The following CNTN5 variants were observed in gnomAD, a reference collection of about 807,000 sequenced individuals.
The protein encoded by CNTN5 is contactin 5.
In CNTN5, 77 loss-of-function variants were observed where a neutral mutation model predicts 129.1. The observed-to-expected ratio is 0.60, with a 90% CI of 0.50 to 0.72. The LOEUF is 0.72. CNTN5 is among the 30% of genes least tolerant of loss of function. The pLI is 0.00. For missense variants in CNTN5, 1,478 were observed against 1,328.8 expected (o/e 1.11, Z -1.75); for synonymous variants, 509 against 465.6 (o/e 1.09, Z -1.20).
chr11:99,993,136 G>C (rs1565765363), intron 8 of CNTN5, among the ~76,000 whole-genome samples: 1 of 152,108 alleles, frequency 6.6e-6, no homozygotes, highest in African/African-American at 2.4e-5. Flanking sequence ...CAAGATTTGA[G>C]ATACTAAAAC....
chr11:99,811,223 T>C (rs935855287), intron 3 of CNTN5, among the ~76,000 whole-genome samples: 1 of 151,986 alleles, frequency 6.6e-6, no homozygotes, highest in Admixed American at 6.6e-5. Context: ...TCAATCAATA[T>C]TTTAGGAGCG....
At chr11:99,103,497 C>T (rs1406710828) in intron 1 of CNTN5, among the ~76,000 whole-genome samples, 1 of 151,926 alleles carries the variant, frequency 6.6e-6, no homozygotes, top group Non-Finnish European at 1.5e-5. Context: ...CCCATGTGGA[C>T]CTTAACAATT....
chr11:100,107,665 A>G (rs1434568155), intron 13 of CNTN5, among the ~76,000 whole-genome samples: 2 of 152,066 alleles, frequency 1.3e-5, no homozygotes, highest in Non-Finnish European at 2.9e-5. Flanking sequence ...CTCATTGGAT[A>G]GTTGATAATT....
chr11:100,042,766 G>T (rs902261670), intron 9 of CNTN5, among the ~76,000 whole-genome samples: 3 of 152,158 alleles, frequency 2.0e-5, no homozygotes, highest in African/African-American at 4.8e-5. Flanking sequence ...CAGAATTTCA[G>T]TGTGGCTTCA....
At chr11:99,037,716 A>T (rs1863814259) in intron 1 of CNTN5, among the ~76,000 whole-genome samples, 1 of 150,990 alleles carries the variant, frequency 6.6e-6, no homozygotes, top group East Asian at 2.0e-4. Flanking sequence ...AGTAGCTGGG[A>T]TTACAAGCAC....
At chr11:100,034,507 G>C (rs760355326) in intron 9 of CNTN5, among the ~76,000 whole-genome samples, 1 of 152,056 alleles carries the variant, frequency 6.6e-6, no homozygotes, top group Non-Finnish European at 1.5e-5. Context: ...CTTTTACTTC[G>C]TATTCCTACC....
chr11:99,124,269 C>T (rs1260219122), intron 1 of CNTN5, among the ~76,000 whole-genome samples: 2 of 151,910 alleles, frequency 1.3e-5, no homozygotes, highest in African/African-American at 4.8e-5. Context: ...TATTCCTAGG[C>T]ATTTTATTCT....
chr11:99,903,006 CAT>C (rs1472288137), intron 6 of CNTN5, among the ~76,000 whole-genome samples: 1 of 152,010 alleles, frequency 6.6e-6, no homozygotes, highest in Non-Finnish European at 1.5e-5. Context: ...TTAAATTAAA[CAT>C]GGTATAAATT....
intron 2 of CNTN5, among the ~76,000 whole-genome samples, chr11:99,374,113 C>T (rs542496800): frequency 8.5e-5 from 13 of 152,240 alleles, no homozygotes; most frequent in Middle Eastern, 3.4e-3. Flanking sequence ...ATTTGCAATT[C>T]GCTAACTGGT....
chr11:99,394,444 C>A (rs2136194799), intron 2 of CNTN5, among the ~76,000 whole-genome samples: 1 of 151,622 alleles, frequency 6.6e-6, no homozygotes, highest in African/African-American at 2.4e-5. Flanking sequence ...GGAATAAATT[C>A]ATCTTTCATT....
chr11:99,875,761 G>A (rs1421376249), intron 6 of CNTN5, among the ~76,000 whole-genome samples: 2 of 151,892 alleles, frequency 1.3e-5, no homozygotes, highest in Middle Eastern at 3.2e-3. Flanking sequence ...ATATATATAT[G>A]AAATACATAA....
chr11:99,653,472 G>C (rs934486550), intron 3 of CNTN5, among the ~76,000 whole-genome samples: 11 of 151,886 alleles, frequency 7.2e-5, no homozygotes, highest in African/African-American at 2.7e-4. Flanking sequence ...AAATCAGTAA[G>C]TAGTTCTATT....
At chr11:99,406,598 C>T (rs1038604217) in intron 2 of CNTN5, among the ~76,000 whole-genome samples, 14 of 152,256 alleles carry the variant, frequency 9.2e-5, no homozygotes, top group South Asian at 2.1e-4. Context: ...CTACAATCAG[C>T]GGGTGGCCAA....
intron 1 of CNTN5, among the ~76,000 whole-genome samples, chr11:99,079,180 A>G (rs1188732137): frequency 2.6e-5 from 4 of 152,184 alleles, no homozygotes; most frequent in Non-Finnish European, 5.9e-5. Flanking sequence ...GATAATTTTA[A>G]TGGTACATAA....
chr11:99,607,390 C>T (rs912559507), intron 3 of CNTN5, among the ~76,000 whole-genome samples: 6 of 148,338 alleles, frequency 4.0e-5, no homozygotes, highest in Non-Finnish European at 8.9e-5. Flanking sequence ...AAATCAAAAC[C>T]ACTGTGAGAT....
intron 7 of CNTN5, among the ~76,000 whole-genome samples, chr11:99,920,811 C>A (rs1366792901): frequency 2.0e-5 from 3 of 152,104 alleles, no homozygotes; most frequent in African/African-American, 2.4e-5. Flanking sequence ...AAAACACTTG[C>A]CAACTAATAC....
At chr11:100,058,617 T>C (rs941929402) in intron 9 of CNTN5, among the ~76,000 whole-genome samples, 3 of 152,072 alleles carry the variant, frequency 2.0e-5, no homozygotes, top group African/African-American at 7.2e-5. Context: ...AAGCAAAAAT[T>C]GCCAACTCCT....
intron 2 of CNTN5, among the ~76,000 whole-genome samples, chr11:99,485,714 A>C (rs1009922363): frequency 3.9e-5 from 6 of 152,026 alleles, no homozygotes; most frequent in Admixed American, 3.3e-4. Flanking sequence ...GACAAAAAAA[A>C]CCCCTGAATT....
At chr11:99,685,082 A>G (rs573869685) in intron 3 of CNTN5, among the ~76,000 whole-genome samples, 1 of 151,702 alleles carries the variant, frequency 6.6e-6, no homozygotes, top group Non-Finnish European at 1.5e-5. Context: ...GTTTAGCTGC[A>G]TCTAACAAAT....
Sources: allele counts gnomAD v4.1 joint callset (sites outside exome capture counted in the v4.1 genomes callset), GRCh38; gene constraint gnomAD v4.1.1; transcripts MANE v1.5; gene names NCBI Gene and HGNC (gene_info 2026-07-23, HGNC 2026-07-21).